The following RPS27 variants were observed in gnomAD, a reference collection of about 807,000 sequenced individuals.
RPS27 encodes ribosomal protein S27, also known as small ribosomal subunit protein eS27.
In RPS27, 1 loss-of-function variant was observed where a neutral mutation model predicts 11.8. The observed-to-expected ratio is 0.08, with a 90% CI of 0.03 to 0.40. The LOEUF is 0.40. Among genes scored for constraint, RPS27 ranks in the 10% least tolerant of loss-of-function variants. The pLI, the probability that RPS27 is intolerant of heterozygous loss-of-function variation, is 0.98. For synonymous variants in RPS27, 42 were observed against 33.8 expected (o/e 1.24, Z -0.84); for missense variants, 44 against 100.1 (o/e 0.44, Z 2.39).
intron 1 of RPS27, 26 bp from the exon 2 acceptor site, chr1:153,991,089 A>T (rs1223437952): frequency 1.3e-6 from 2 of 1,521,556 alleles, no homozygotes; most frequent in East Asian, 4.7e-5. Context: ...TTGGTTTCTA[A>T]ATCTCTGCAT....
chr1:153,991,765 C>A, intron 3 of RPS27, 89 bp downstream of exon 3: 1 of 834,758 alleles, frequency 1.2e-6, no homozygotes, highest in Non-Finnish European at 2.0e-6. Context: ...TTAACAGTGA[C>A]AGGGATCATC....
At position 153,991,107 on chromosome 1, in the gene RPS27, C is replaced by T. The variant is rs184130034; in HGVS notation, c.7-8C>T. 518 of 1,558,044 alleles carry T rather than the reference C, an allele frequency of 3.3e-4. No individual in the cohort carries two copies. The African/African-American group carries it at 6.4e-3, about 19-fold the overall frequency. Reference sequence around the variant, plus strand: ...GTTTCTAAATCTCTGCATTTCTGTCCCTCTTAGCTCGCAAAGGATCTCCTT... The same window carrying T: ...GTTTCTAAATCTCTGCATTTCTGTCTCTCTTAGCTCGCAAAGGATCTCCTT... On this transcript the variant is annotated splice_region_variant and splice_polypyrimidine_tract_variant and intron_variant, in intron 1 of 3. Transcript: ENST00000651669.
At chr1:153,991,090 ATC>A (rs748524894) in intron 1 of RPS27, 23 bp from the exon 2 acceptor site, 1 of 1,523,310 alleles carries the variant, frequency 6.6e-7, no homozygotes, top group East Asian at 2.3e-5. Flanking sequence ...TGGTTTCTAA[ATC>A]TCTGCATTTC....
At chr1:153,991,078 G>C (rs368907397) in intron 1 of RPS27, 37 bp from the exon 2 acceptor site, 1 of 1,484,030 alleles carries the variant, frequency 6.7e-7, no homozygotes, top group Admixed American at 2.2e-5. Flanking sequence ...CATTTTCGCT[G>C]TTGGTTTCTA....
Position 153,991,746 on chromosome 1 carries a change from T to A in RPS27, c.226+70T>A, listed in dbSNP as rs2147867558. The A allele has an allele frequency of 2.8e-6, 3 of 1,059,230 alleles. No homozygotes were observed. The South Asian group carries it at 4.0e-5, about 14-fold the overall frequency. 65.6% of individuals were successfully genotyped at this position (1,059,230 alleles called of 1,614,324 possible). A position where few individuals can be genotyped will look rare whatever the true frequency, so the allele number is the denominator to read the frequency against. On this transcript the variant is annotated intron_variant, in intron 3 of 3. Coordinates refer to ENST00000651669, the MANE Select transcript of RPS27 (RefSeq NM_001030.6). ...TAGAAATGGAAACATTTCTTAGGATTTTTCGGTCTTAACAGTGACAGGGAT... is the reference window on the plus strand; with the variant it reads ...TAGAAATGGAAACATTTCTTAGGATATTTCGGTCTTAACAGTGACAGGGAT...
At chr1:153,991,920 C>T (rs200838458) in intron 3 of RPS27, 145 bp from the exon 4 acceptor site, 9 of 802,000 alleles carry the variant, frequency 1.1e-5, no homozygotes, top group Non-Finnish European at 1.7e-5. Context: ...AGGAAGTAAC[C>T]AGTGATACAA....
intron 1 of RPS27, 97 bp downstream of exon 1, chr1:153,990,899 C>A (rs1649359148): frequency 6.6e-7 from 1 of 1,523,954 alleles, no homozygotes; most frequent in South Asian, 1.1e-5. Flanking sequence ...CTCATTTACC[C>A]TCTGCACTTC....
chr1:153,991,515 A>T, intron 2 of RPS27, 51 bp from the exon 3 acceptor site: 1 of 1,397,454 alleles, frequency 7.2e-7, no homozygotes, highest in Non-Finnish European at 1.0e-6. Context: ...GCATAAGTGC[A>T]GGAAAGACGG....
intron 2 of RPS27, 118 bp from the exon 3 acceptor site, chr1:153,991,448 A>G: frequency 7.3e-7 from 1 of 1,361,860 alleles, no homozygotes; most frequent in Non-Finnish European, 1.0e-6. Context: ...ATCACATTTC[A>G]CATACAACCC....
At chr1:153,991,067 C>G in intron 1 of RPS27, 48 bp from the exon 2 acceptor site, 2 of 1,430,078 alleles carry the variant, frequency 1.4e-6, no homozygotes, top group Non-Finnish European at 1.9e-6. Context: ...TTCGACCATC[C>G]CATTTTCGCT....
chr1:153,991,962 A>G, intron 3 of RPS27, 103 bp from the exon 4 acceptor site: 1 of 1,068,552 alleles, frequency 9.4e-7, no homozygotes, highest in Non-Finnish European at 1.4e-6. Context: ...GAGAAAAAAG[A>G]TGTAGCTTTC....
In RPS27 at chr1:153,991,613, T is replaced by C. The variant is rs1392259623; in HGVS notation, c.163T>C (p.Leu55=). ...CTTTAGCCATGCACAAACGGTAGTT[T>C]TGTGTGTTGGCTGCTCCACTGTCCT... ...TVFSHAQTVV[L]CVGCSTVLCQ... is the part of the protein sequence containing the mutation. Residue 55 remains leucine (L), a synonymous_variant, in exon 3 of 4, where the codon TTG becomes CTG. Coordinates refer to ENST00000651669, the MANE Select transcript of RPS27 (RefSeq NM_001030.6). The C allele has an allele frequency of 6.2e-7, 1 of 1,613,736 alleles. No homozygotes were observed. Among genetic ancestry groups the C allele is most frequent in the Admixed American group, 1.7e-5 (1 of 60,000 alleles).
chr1:153,991,303 TC>T, intron 2 of RPS27, 80 bp downstream of exon 2: 1 of 1,548,876 alleles, frequency 6.5e-7, no homozygotes. Flanking sequence ...CTGTCTCGTA[TC>T]CTTGAAGCTG....
At chr1:153,991,745 T>G in intron 3 of RPS27, 69 bp downstream of exon 3, 3 of 1,055,754 alleles carry the variant, frequency 2.8e-6, no homozygotes, top group Non-Finnish European at 4.3e-6. Flanking sequence ...TTTCTTAGGA[T>G]TTTTCGGTCT....
chr1:153,992,002 T>C, intron 3 of RPS27, 63 bp from the exon 4 acceptor site: 3 of 1,485,324 alleles, frequency 2.0e-6, no homozygotes, highest in Non-Finnish European at 2.8e-6. Flanking sequence ...ATCTGCTTTT[T>C]TGGGAGAGGT....
At chr1:153,991,021 G>T in intron 1 of RPS27, 94 bp from the exon 2 acceptor site, 3 of 1,181,618 alleles carry the variant, frequency 2.5e-6, no homozygotes, top group South Asian at 2.9e-5. Flanking sequence ...GCGGCGAGGG[G>T]CGAGCTCTCC....
chr1:153,990,790 C>T lies in RPS27; in HGVS notation c.-7C>T, dbSNP rs181547215. ...TTCCGGCGGTGACGACCTACGCACA[C>T]GAGAACATGCCTGTGAGTGCTTTGG... On this transcript the variant is annotated 5_prime_UTR_variant, in exon 1 of 4. The change creates a new upstream start codon in the 5' untranslated region. Transcript: ENST00000651669. 1,512 of 1,614,218 alleles carry T rather than the reference C, an allele frequency of 9.4e-4. 3 individuals carry two copies. The highest frequency in any genetic ancestry group is 5.7e-3 in the East Asian group (257 of 44,882).
chr1:153,991,977 G>T, intron 3 of RPS27, 88 bp from the exon 4 acceptor site: 1 of 1,167,578 alleles, frequency 8.6e-7, no homozygotes, highest in Non-Finnish European at 1.3e-6. Flanking sequence ...GCTTTCTGTG[G>T]GTGGATCATC....
intron 1 of RPS27, 84 bp from the exon 2 acceptor site, chr1:153,991,031 C>T: frequency 8.1e-7 from 1 of 1,227,996 alleles, no homozygotes; most frequent in Non-Finnish European, 1.1e-6. Context: ...GCGAGCTCTC[C>T]CCGGTGTGTG....
Sources: allele counts gnomAD v4.1 joint callset, GRCh38; gene constraint gnomAD v4.1.1; transcripts MANE v1.5; gene names NCBI Gene and HGNC (gene_info 2026-07-23, HGNC 2026-07-21).